TIAM1: variants seen among roughly 807,000 people sequenced by gnomAD.
TIAM1 encodes TIAM Rac1 associated GEF 1.
A neutral mutation model predicts 163.5 loss-of-function variants in TIAM1; 65 were observed. The observed-to-expected ratio is 0.40, with a 90% CI of 0.33 to 0.49. The LOEUF (loss-of-function observed/expected upper bound fraction) is 0.49, where lower values mean the gene tolerates loss of function less well. Among genes scored for constraint, TIAM1 ranks in the 20% least tolerant of loss-of-function variants. The probability of loss-of-function intolerance (pLI) is 0.77; values close to 1 mark genes in which losing one functional copy is unlikely to be tolerated. For synonymous variants in TIAM1, 833 were observed against 810.1 expected, an observed-to-expected ratio of 1.03 and a Z score of -0.48; for missense variants, 1,789 against 2,044.7, an observed-to-expected ratio of 0.87 and a Z score of 2.41.
At chr21:31,162,271 A>C (rs563726992) in intron 16 of TIAM1, among the ~76,000 whole-genome samples, 1 of 152,336 alleles carries the variant, frequency 6.6e-6, no homozygotes, top group Admixed American at 6.5e-5. Context: ...GGCTAAGATG[A>C]GTTAATATGG....
At chr21:31,362,466 T>TATG (rs2076423807) in intron 2 of TIAM1, among the ~76,000 whole-genome samples, 2 of 148,422 alleles carry the variant, frequency 1.3e-5, no homozygotes, top group Non-Finnish European at 3.0e-5. Flanking sequence ...TTATTATTAT[T>TATG]ATTATTATTA....
chr21:31,364,989 A>G (rs11088171), intron 2 of TIAM1, among the ~76,000 whole-genome samples: 15,380 of 152,268 alleles, frequency 0.1, 1,169 homozygotes, highest in East Asian at 0.44. Flanking sequence ...TGTTCCAATA[A>G]AACTTTATTC....
At chr21:31,396,489 C>T (rs1237522242) in intron 2 of TIAM1, among the ~76,000 whole-genome samples, 1 of 152,028 alleles carries the variant, frequency 6.6e-6, no homozygotes, top group East Asian at 1.9e-4. Flanking sequence ...ACCTGCCCCA[C>T]TGTAGCTCCC....
At chr21:31,310,010 T>A (rs974051007) in intron 2 of TIAM1, among the ~76,000 whole-genome samples, 1 of 152,214 alleles carries the variant, frequency 6.6e-6, no homozygotes, top group Non-Finnish European at 1.5e-5. Context: ...ACAGCTAATG[T>A]CTTCCTAATA....
At chr21:31,137,143 T>C (rs931687604) in intron 22 of TIAM1, among the ~76,000 whole-genome samples, 4 of 152,222 alleles carry the variant, frequency 2.6e-5, no homozygotes, top group African/African-American at 7.2e-5. Context: ...ACTGGCCTCC[T>C]TCCAAATCTA....
intron 1 of TIAM1, among the ~76,000 whole-genome samples, chr21:31,529,536 A>T (rs758740626): frequency 1.3e-5 from 2 of 152,288 alleles, no homozygotes; most frequent in Admixed American, 1.3e-4. Context: ...TATCTCTTCA[A>T]TGTATCTTCT....
intron 2 of TIAM1, among the ~76,000 whole-genome samples, chr21:31,431,747 G>A (rs147272247): frequency 6.6e-6 from 1 of 152,222 alleles, no homozygotes; most frequent in Admixed American, 6.5e-5. Flanking sequence ...TGTACAGTAT[G>A]GTACTGTCCT....
At chr21:31,485,333 A>C (rs762972532) in intron 1 of TIAM1, among the ~76,000 whole-genome samples, 8 of 152,098 alleles carry the variant, frequency 5.3e-5, no homozygotes, top group Non-Finnish European at 8.8e-5. Context: ...ACATCTTACA[A>C]CACAGAACAT....
At chr21:31,527,056 A>T (rs2047811458) in intron 1 of TIAM1, among the ~76,000 whole-genome samples, 1 of 152,086 alleles carries the variant, frequency 6.6e-6, no homozygotes. Flanking sequence ...ACTTCCAAAG[A>T]TATCCGGGCC....
At position 31,130,253 on chromosome 21, in the gene TIAM1, G is replaced by A. The variant is rs763667616; in HGVS notation, c.4005C>T (p.Ile1335=). Residue 1335 remains isoleucine (I), a synonymous_variant, in exon 25 of 28, where the codon ATC becomes ATT. Coordinates refer to ENST00000541036, the MANE Select transcript of TIAM1 (RefSeq NM_001353694.2). ...CTCGAACCTGCAGCGCTTCCGTGGG[G>A]ATCATGTGTCGAAATCTGAAGGGGT... ...DWDPFRFRHM[I]PTEALQVRAL... is the part of the protein sequence containing the mutation. 4 of 1,614,118 alleles carry A rather than the reference G, an allele frequency of 2.5e-6. No individual in the cohort carries two copies. In the South Asian group the frequency reaches 4.4e-5, roughly 18 times the overall value.
chr21:31,418,203 G>A (rs1042297729), intron 2 of TIAM1, among the ~76,000 whole-genome samples: 1 of 151,912 alleles, frequency 6.6e-6, no homozygotes, highest in Admixed American at 6.6e-5. Context: ...TTAGCAGGGC[G>A]TGGTGGCACA....
intron 1 of TIAM1, among the ~76,000 whole-genome samples, chr21:31,508,401 T>C (rs905651982): frequency 2.0e-5 from 3 of 151,644 alleles, no homozygotes; most frequent in African/African-American, 7.3e-5. Flanking sequence ...TTTTTTTTTT[T>C]TTTTGAGACA....
In TIAM1 at chr21:31,217,602, C is replaced by T; in HGVS notation, c.2093G>A (p.Gly698Asp). Residue 698 changes from glycine to aspartate, a missense_variant, in exon 9 of 28, where the codon GGT (glycine) becomes GAT (aspartate). Coordinates refer to ENST00000541036, the MANE Select transcript of TIAM1 (RefSeq NM_001353694.2). Reference protein sequence around the residue: ...KRRSRFSSLWGLDTTSKKKQG... With the variant: ...KRRSRFSSLWDLDTTSKKKQG... ...CTTCTTTTTGGAGGTAGTATCCAGA[C>T]CCCACAGAGAAGAAAACCTGCTCCT... is the stretch of plus-strand genomic sequence containing the variant. 6.2e-7 allele frequency: 1 copy of T among 1,614,120 alleles called. No homozygotes were observed. Among genetic ancestry groups the T allele is most frequent in the Non-Finnish European group, 8.5e-7 (1 of 1,180,002 alleles).
upstream of TIAM1, among the ~76,000 whole-genome samples, chr21:31,347,224 A>G (rs1048672037): frequency 6.6e-6 from 1 of 152,188 alleles, no homozygotes; most frequent in Non-Finnish European, 1.5e-5. Context: ...GGCTCCATAC[A>G]GTGGCGGGCA....
intron 1 of TIAM1, among the ~76,000 whole-genome samples, chr21:31,542,476 C>T (rs1046019297): frequency 4.6e-5 from 7 of 151,990 alleles, no homozygotes; most frequent in Non-Finnish European, 1.0e-4. Context: ...GGGATCATCT[C>T]ACCTCTGAGG....
chr21:31,404,908 G>C (rs1315956354), intron 2 of TIAM1, among the ~76,000 whole-genome samples: 1 of 152,104 alleles, frequency 6.6e-6, no homozygotes, highest in African/African-American at 2.4e-5. Flanking sequence ...ACAGCTCCCT[G>C]TTCCTCCTAG....
intron 2 of TIAM1, among the ~76,000 whole-genome samples, chr21:31,376,378 G>A (rs1029724877): frequency 1.3e-4 from 20 of 151,992 alleles, no homozygotes; most frequent in African/African-American, 4.1e-4. Context: ...CGCACTCCAC[G>A]GTATGCAGGG....
chr21:31,258,673 T>C (rs1378432189), intron 4 of TIAM1, among the ~76,000 whole-genome samples: 1 of 151,902 alleles, frequency 6.6e-6, no homozygotes, highest in Non-Finnish European at 1.5e-5. Flanking sequence ...CTACTAAAAA[T>C]ACAAATATTA....
chr21:31,365,491 C>T (rs959644524), intron 2 of TIAM1, among the ~76,000 whole-genome samples: 1 of 150,950 alleles, frequency 6.6e-6, no homozygotes, highest in African/African-American at 2.4e-5. Context: ...CGGGTTCACG[C>T]CATTCTCCTG....
Sources: allele counts gnomAD v4.1 joint callset (sites outside exome capture counted in the v4.1 genomes callset), GRCh38; gene constraint gnomAD v4.1.1; transcripts MANE v1.5; gene names NCBI Gene and HGNC (gene_info 2026-07-23, HGNC 2026-07-21).